SGCZ: variants seen among roughly 807,000 people sequenced by gnomAD.
SGCZ encodes the protein sarcoglycan zeta.
A neutral mutation model predicts 41.3 loss-of-function variants in SGCZ; 40 were observed. That is an observed-to-expected ratio of 0.97 (90% CI 0.75 to 1.26). The LOEUF is 1.26. SGCZ is among the 50% of genes most tolerant of loss of function. SGCZ has a pLI of 0.00. For missense variants in SGCZ, 552 were observed against 369.8 expected, an observed-to-expected ratio of 1.49 and a Z score of -4.04; for synonymous variants, 206 against 137.5, an observed-to-expected ratio of 1.50 and a Z score of -3.49.
intron 2 of SGCZ, among the ~76,000 whole-genome samples, chr8:14,437,788 ATT>A (rs1241587500): frequency 6.6e-6 from 1 of 151,624 alleles, no homozygotes; most frequent in African/African-American, 2.4e-5. Flanking sequence ...TTATTTTTAC[ATT>A]TTGTGCATTC....
chr8:14,688,136 T>C (rs1808678387), intron 1 of SGCZ, among the ~76,000 whole-genome samples: 1 of 152,080 alleles, frequency 6.6e-6, no homozygotes, highest in Non-Finnish European at 1.5e-5. Context: ...TTCTCCCATT[T>C]TGTAGGTTGC....
At chr8:15,180,582 TAAAA>T (rs112582741) in intron 1 of SGCZ, among the ~76,000 whole-genome samples, 1 of 146,314 alleles carries the variant, frequency 6.8e-6, no homozygotes, top group Non-Finnish European at 1.5e-5. Context: ...AAGAACAAGT[TAAAA>T]AAAAAAACAG....
intron 1 of SGCZ, among the ~76,000 whole-genome samples, chr8:14,594,090 G>A (rs1404618525): frequency 2.0e-5 from 3 of 151,866 alleles, no homozygotes; most frequent in Admixed American, 2.0e-4. Context: ...TGGGAGAATT[G>A]CTTCAGCCCG....
At chr8:14,830,295 T>A (rs1226547553) in intron 1 of SGCZ, among the ~76,000 whole-genome samples, 1 of 152,150 alleles carries the variant, frequency 6.6e-6, no homozygotes, top group African/African-American at 2.4e-5. Context: ...ACATTTACTG[T>A]ATTATATGTA....
At chr8:14,123,124 A>C (rs1802750518) in intron 5 of SGCZ, among the ~76,000 whole-genome samples, 2 of 152,204 alleles carry the variant, frequency 1.3e-5, no homozygotes, top group African/African-American at 2.4e-5. Flanking sequence ...TTTTGGAAGA[A>C]TGCAATAAAA....
At chr8:15,151,878 G>A (rs58184795) in intron 1 of SGCZ, among the ~76,000 whole-genome samples, 3,616 of 152,148 alleles carry the variant, frequency 0.024, 118 homozygotes, top group African/African-American at 0.081. Context: ...GAGAACTCTT[G>A]ATTCTAATAA....
chr8:14,673,951 T>C (rs887315310), intron 1 of SGCZ, among the ~76,000 whole-genome samples: 1 of 152,178 alleles, frequency 6.6e-6, no homozygotes, highest in Non-Finnish European at 1.5e-5. Flanking sequence ...ACAAGAAAGG[T>C]AATTGGCAGT....
chr8:14,540,220 ATTTTTT>A (rs11428713), intron 2 of SGCZ, among the ~76,000 whole-genome samples: 1,293 of 48,746 alleles, frequency 0.027, 21 homozygotes, highest in Middle Eastern at 0.1. Context: ...TCTCTGCTTA[ATTTTTT>A]TTTTTTTTTT....
intron 1 of SGCZ, among the ~76,000 whole-genome samples, chr8:15,159,742 CCT>C (rs1256307066): frequency 1.4e-4 from 4 of 28,002 alleles, no homozygotes; most frequent in East Asian, 5.8e-3. Flanking sequence ...CCCCCCCCAC[CCT>C]CCCCCCCACC....
intron 1 of SGCZ, among the ~76,000 whole-genome samples, chr8:15,181,032 C>A (rs150779915): frequency 6.6e-6 from 1 of 152,148 alleles, no homozygotes; most frequent in African/African-American, 2.4e-5. Context: ...TGCCATCTTT[C>A]AATTAGCAAT....
chr8:15,071,089 AT>A (rs753930328), intron 1 of SGCZ, among the ~76,000 whole-genome samples: 11 of 152,104 alleles, frequency 7.2e-5, no homozygotes, highest in African/African-American at 2.7e-4. Context: ...AAAGAGAAAC[AT>A]TTTTTTAGAA....
chr8:14,827,298 G>T (rs576118089), intron 1 of SGCZ, among the ~76,000 whole-genome samples: 3 of 147,028 alleles, frequency 2.0e-5, no homozygotes, highest in Admixed American at 6.9e-5. Flanking sequence ...GGGCAGTGAC[G>T]CCATCTCAGC....
intron 2 of SGCZ, among the ~76,000 whole-genome samples, chr8:14,480,049 T>G (rs1362544045): frequency 1.3e-5 from 2 of 152,198 alleles, no homozygotes; most frequent in Non-Finnish European, 2.9e-5. Flanking sequence ...TGGCCAGCCA[T>G]TTCTCCTTTA....
chr8:14,521,602 C>T (rs1038196038), intron 2 of SGCZ, among the ~76,000 whole-genome samples: 36 of 152,130 alleles, frequency 2.4e-4, no homozygotes, highest in African/African-American at 8.4e-4. Context: ...ACCAACAAAG[C>T]TGCTGTCAAC....
intron 1 of SGCZ, among the ~76,000 whole-genome samples, chr8:14,589,345 C>CAAAA (rs34816729): frequency 8.2e-6 from 1 of 122,510 alleles, no homozygotes. Flanking sequence ...GACTCCATCT[C>CAAAA]AAAAAAAAAA....
chr8:14,125,931 A>G (rs1252376450), intron 5 of SGCZ, among the ~76,000 whole-genome samples: 2 of 152,244 alleles, frequency 1.3e-5, no homozygotes, highest in Admixed American at 6.5e-5. Flanking sequence ...CCATATGCAG[A>G]AAACTGAAAA....
At chr8:14,204,491 A>G (rs1805556711) in intron 4 of SGCZ, among the ~76,000 whole-genome samples, 1 of 152,082 alleles carries the variant, frequency 6.6e-6, no homozygotes, top group African/African-American at 2.4e-5. Flanking sequence ...CGTAAGGTAA[A>G]AATCTGGTCT....
At position 14,460,363 on chromosome 8, in the gene SGCZ, C is replaced by T. The variant is rs571464299; in HGVS notation, c.234+94369G>A. ...AGAAACCACTGTCCTAAAACATTCA[C>T]ACGATATTTAGGATAATGAAGGCAT... On this transcript the variant is annotated intron_variant, in intron 2 of 7. Coordinates refer to ENST00000382080, the MANE Select transcript of SGCZ (RefSeq NM_139167.4). Among the ~76,000 whole-genome samples the T allele has an allele frequency of 4.9e-4, 75 of 152,100 alleles. 1 individual carries two copies. The highest frequency in any genetic ancestry group is 8.2e-4 in the Non-Finnish European group (56 of 68,020).
At chr8:14,566,531 T>C (rs1361968767) in intron 1 of SGCZ, among the ~76,000 whole-genome samples, 2 of 152,228 alleles carry the variant, frequency 1.3e-5, no homozygotes, top group Non-Finnish European at 2.9e-5. Context: ...CATCATTACT[T>C]ACAACTGAGG....
Sources: gnomAD v4.1 joint callset for allele counts (sites outside exome capture counted in the v4.1 genomes callset) on GRCh38, gnomAD v4.1.1 for gene constraint, MANE v1.5 for transcripts, NCBI Gene and HGNC (gene_info 2026-07-23, HGNC 2026-07-21) for gene names.